The following ITGA1 variants were observed in gnomAD, a reference collection of about 807,000 sequenced individuals.
ITGA1 encodes the protein integrin subunit alpha 1, also known as integrin alpha-1.
A neutral mutation model predicts 145.9 loss-of-function variants in ITGA1; 85 were observed. The observed-to-expected ratio is 0.58, with a 90% confidence interval of 0.49 to 0.70. The LOEUF (loss-of-function observed/expected upper bound fraction) is 0.70. Among genes scored for constraint, ITGA1 ranks in the 30% least tolerant of loss-of-function variants. ITGA1 has a pLI of 0.00. For synonymous variants in ITGA1, 520 were observed against 495.3 expected (o/e 1.05, Z -0.66); for missense variants, 1,351 against 1,418.7 (o/e 0.95, Z 0.77).
intron 26 of ITGA1, among the ~76,000 whole-genome samples, chr5:52,944,738 C>G (rs2111907319): frequency 2.0e-5 from 3 of 152,170 alleles, no homozygotes. Context: ...TAACGAGGAT[C>G]TAAGTAAGGA....
intron 28 of ITGA1, among the ~76,000 whole-genome samples, chr5:52,950,034 A>G (rs1165429540): frequency 2.0e-5 from 3 of 152,224 alleles, no homozygotes; most frequent in African/African-American, 7.2e-5. Flanking sequence ...CACAGTCTTT[A>G]TATCTTTGTC....
chr5:52,926,183 A>T (rs1750803687), intron 19 of ITGA1, among the ~76,000 whole-genome samples: 1 of 152,154 alleles, frequency 6.6e-6, no homozygotes, highest in African/African-American at 2.4e-5. Context: ...ACTATTGTCT[A>T]CTTTCTGTAA....
intron 14 of ITGA1, 137 bp downstream of exon 14, chr5:52,910,556 G>C (rs1030451908): frequency 4.6e-5 from 41 of 894,208 alleles, no homozygotes; most frequent in Admixed American, 2.8e-4. Context: ...TTCTCTTTAA[G>C]TGTTTTTTAT....
chr5:52,948,417 G>A (rs1366762986), intron 28 of ITGA1, among the ~76,000 whole-genome samples: 4 of 152,166 alleles, frequency 2.6e-5, no homozygotes, highest in African/African-American at 9.7e-5. Context: ...TAAATAGCAA[G>A]TTTCTCTCCC....
chr5:52,864,947 TA>T (rs1170263895), intron 4 of ITGA1, 23 bp from the exon 5 acceptor site: 1 of 1,590,176 alleles, frequency 6.3e-7, no homozygotes, highest in Non-Finnish European at 8.6e-7. Context: ...TAATGATTTC[TA>T]ATTTTAAAAC....
chr5:52,912,456 GGTATTATATATAGTGTATCCAGTATAT>G (rs1750573785), intron 14 of ITGA1, among the ~76,000 whole-genome samples: 2 of 122,120 alleles, frequency 1.6e-5, no homozygotes, highest in East Asian at 2.3e-4. Flanking sequence ...ATCCACTATA[GGTATTATATATAGTGTATCCAGTATAT>G]GTATTATATA....
intron 1 of ITGA1, among the ~76,000 whole-genome samples, chr5:52,840,399 A>G (rs1379996728): frequency 6.6e-6 from 1 of 152,226 alleles, no homozygotes; most frequent in Non-Finnish European, 1.5e-5. Flanking sequence ...GCTGGAGAAC[A>G]GAGTTCTGTG....
intron 1 of ITGA1, among the ~76,000 whole-genome samples, chr5:52,797,863 C>T (rs912095282): frequency 2.6e-5 from 4 of 152,174 alleles, no homozygotes; most frequent in African/African-American, 7.2e-5. Context: ...ACATTCAATA[C>T]GTGATAGCTC....
At chr5:52,834,856 A>G (rs1376064445) in intron 1 of ITGA1, among the ~76,000 whole-genome samples, 1 of 152,268 alleles carries the variant, frequency 6.6e-6, no homozygotes, top group African/African-American at 2.4e-5. Context: ...AAATGCTGTC[A>G]CTTTAGCGGT....
At chr5:52,827,141 T>G (rs1748981752) in intron 1 of ITGA1, among the ~76,000 whole-genome samples, 3 of 151,146 alleles carry the variant, frequency 2.0e-5, no homozygotes, top group Non-Finnish European at 4.4e-5. Flanking sequence ...AGATCAACAT[T>G]AACAGGAGTT....
chr5:52,811,010 G>A (rs1316960093), intron 1 of ITGA1, among the ~76,000 whole-genome samples: 3 of 152,196 alleles, frequency 2.0e-5, no homozygotes, highest in South Asian at 4.1e-4. Context: ...GATCAATAAA[G>A]TAGCGCAACC....
At chr5:52,848,530 A>G (rs1749373439) in intron 1 of ITGA1, among the ~76,000 whole-genome samples, 1 of 152,038 alleles carries the variant, frequency 6.6e-6, no homozygotes. Flanking sequence ...GAATGTTAAT[A>G]TTTGTGTTCT....
At chr5:52,950,112 T>C (rs1480942679) in intron 28 of ITGA1, among the ~76,000 whole-genome samples, 3 of 152,194 alleles carry the variant, frequency 2.0e-5, no homozygotes, top group African/African-American at 7.2e-5. Context: ...CACTTCATGA[T>C]TGATGGGAGG....
chr5:52,819,269 TAA>T (rs890985042), intron 1 of ITGA1, among the ~76,000 whole-genome samples: 9 of 152,222 alleles, frequency 5.9e-5, no homozygotes, highest in Non-Finnish European at 1.0e-4. Context: ...ACCAACAGTG[TAA>T]AAGTGTTCCT....
rs557220242 is a variant in ITGA1, at chr5:52,838,420, A to ACAGTACT, written c.62-10945_62-10944insCAGTACT. ...TTGGTTTTGGTTGAGGTACACTGTC[A>ACAGTACT]GAGTGTGCACAGTATTTCATTTTGT... On this transcript the variant is annotated intron_variant, in intron 1 of 28. Coordinates refer to ENST00000282588, the MANE Select transcript of ITGA1 (RefSeq NM_181501.2). 4.7e-4 allele frequency among the ~76,000 whole-genome samples: 72 copies of ACAGTACT among 152,298 alleles called. 1 individual carries two copies. Among genetic ancestry groups the ACAGTACT allele is most frequent in the African/African-American group, 1.6e-3 (65 of 41,570 alleles).
At chr5:52,936,106 G>T (rs1750962315) in intron 23 of ITGA1, among the ~76,000 whole-genome samples, 1 of 31,890 alleles carries the variant, frequency 3.1e-5, no homozygotes, top group Non-Finnish European at 5.3e-5. Context: ...CTCCCAAGTA[G>T]CTGGGACCAC....
chr5:52,794,475 G>A (rs1304019937), intron 1 of ITGA1, among the ~76,000 whole-genome samples: 3 of 144,946 alleles, frequency 2.1e-5, no homozygotes, highest in South Asian at 2.2e-4. Context: ...ATCTTATGCC[G>A]TATAAGAATA....
intron 1 of ITGA1, chr5:52,801,434 AC>A: frequency 6.2e-7 from 1 of 1,613,664 alleles, no homozygotes; most frequent in Non-Finnish European, 8.5e-7. Flanking sequence ...GGACACAAGT[AC>A]TCCCTGAAAG....
chr5:52,934,800 C>CA (rs1211303492), intron 23 of ITGA1, among the ~76,000 whole-genome samples: 7 of 151,582 alleles, frequency 4.6e-5, no homozygotes, highest in East Asian at 3.9e-4. Flanking sequence ...TTGCCAACCA[C>CA]AAAAAAAAGT....
Sources: allele counts gnomAD v4.1 joint callset (sites outside exome capture counted in the v4.1 genomes callset), GRCh38; gene constraint gnomAD v4.1.1; transcripts MANE v1.5; gene names NCBI Gene and HGNC (gene_info 2026-07-23, HGNC 2026-07-21).